The following SLC6A14 variants were observed in gnomAD, a reference collection of about 807,000 sequenced individuals.
SLC6A14 encodes the protein sodium- and chloride-dependent neutral and basic amino acid transporter B(0+).
A neutral mutation model predicts 51.4 loss-of-function variants in SLC6A14; 21 were observed. The ratio of observed to expected loss-of-function variants is 0.41; its 90% CI spans 0.29 to 0.59. The LOEUF (loss-of-function observed/expected upper bound fraction) is 0.59, where lower values mean the gene tolerates loss of function less well. Ranked by LOEUF, SLC6A14 falls within the 20% of genes least tolerant of loss-of-function variation. The pLI is 0.31. For missense variants in SLC6A14, 371 were observed against 472.8 expected (o/e 0.78, Z 2.00); for synonymous variants, 177 against 160.7 (o/e 1.10, Z -0.77).
chrX:116,456,544 T>A (rs2147391713), intron 12 of SLC6A14, among the ~76,000 whole-genome samples: 1 of 111,122 alleles, frequency 9.0e-6, no homozygotes, highest in South Asian at 3.7e-4. Flanking sequence ...AAGCTAATAT[T>A]CAATGATTAC....
rs1261568436 is a variant in SLC6A14, at chrX:116,456,388, C to T, written c.1614+922C>T. Among the ~76,000 whole-genome samples the T allele has an allele frequency of 1.1e-4, 12 of 109,767 alleles. 1 individual carries two copies. The highest frequency in any genetic ancestry group is 2.3e-4 in the Non-Finnish European group (12 of 52,342). Reference sequence around the variant, plus strand: ...CTTTCAAAAGCTGAGCAGTTTGGAACGAGATCATGGTGAATTAAAATATTT... The same window carrying T: ...CTTTCAAAAGCTGAGCAGTTTGGAATGAGATCATGGTGAATTAAAATATTT... On this transcript the variant is annotated intron_variant, in intron 12 of 13. Coordinates refer to ENST00000598581, the MANE Select transcript of SLC6A14 (RefSeq NM_007231.5).
At chrX:116,448,234 T>C (rs1451853541) in intron 7 of SLC6A14, among the ~76,000 whole-genome samples, 1 of 112,347 alleles carries the variant, frequency 8.9e-6, no homozygotes, top group African/African-American at 3.2e-5. Flanking sequence ...GAAATGCCAA[T>C]CTTTGGTCTT....
chrX:116,440,226 G>A (rs12720077), intron 2 of SLC6A14, among the ~76,000 whole-genome samples: 60 of 111,964 alleles, frequency 5.4e-4, no homozygotes, highest in Non-Finnish European at 9.4e-4. Flanking sequence ...TAAAAGGATG[G>A]GGGAGGTGAA....
Position 116,457,656 on chromosome X carries a change from C to T in SLC6A14, c.1662C>T (p.Gly554=), listed in dbSNP as rs187409232. 1.9e-4 allele frequency: 234 copies of T among 1,205,174 alleles called. 2 individuals are homozygous for T. In the East Asian group the frequency reaches 6.3e-3, roughly 33 times the overall value. ...TGCAATTTCATAGACCTAATTATGG[C>T]GCAATTCCATACCCTGACTGGGGAG... is the stretch of plus-strand genomic sequence containing the variant. The part of the protein sequence containing the change: ...SLVQFHRPNY[G]AIPYPDWGVA... Residue 554 remains glycine (G), a synonymous_variant, in exon 13 of 14, where the codon GGC becomes GGT. Coordinates refer to ENST00000598581, the MANE Select transcript of SLC6A14 (RefSeq NM_007231.5).
chrX:116,445,866 G>A (rs545197334), intron 6 of SLC6A14, among the ~76,000 whole-genome samples: 64 of 111,394 alleles, frequency 5.7e-4, no homozygotes, highest in African/African-American at 2.0e-3. Context: ...TATCTAGCAC[G>A]TTCTGTTAAT....
At chrX:116,443,244 T>C (rs781928655) in intron 4 of SLC6A14, among the ~76,000 whole-genome samples, 6 of 111,725 alleles carry the variant, frequency 5.4e-5, no homozygotes, top group Non-Finnish European at 1.1e-4. Context: ...TAATTACCTA[T>C]GTATATCAGA....
chrX:116,442,810 C>T lies in SLC6A14; in HGVS notation c.470C>T (p.Ser157Phe), dbSNP rs782574852. The change falls in exon 4 of 14, where the codon TCT (serine) becomes TTT (phenylalanine). Residue 157 changes from serine (S) to phenylalanine (F), a missense_variant. Around this residue, in one of 2 missense-constraint regions of SLC6A14, gnomAD observed 277 missense variants for 391.8 expected, o/e 0.71. Transcript: ENST00000598581. Reference sequence around the variant, plus strand: ...AGTGAACTACCATGGAAAAATTGTTCTTCGTGGTCAGATAAAAACTGTAGC... The same window carrying T: ...AGTGAACTACCATGGAAAAATTGTTTTTCGTGGTCAGATAAAAACTGTAGC... Reference protein sequence around the residue: ...FQSELPWKNCSSWSDKNCSRS... With the variant: ...FQSELPWKNCFSWSDKNCSRS... 1.7e-6 allele frequency: 2 copies of T among 1,191,869 alleles called. No individual in the cohort carries two copies. Among genetic ancestry groups the T allele is most frequent in the Admixed American group, 2.4e-5 (1 of 40,955 alleles).
chrX:116,445,972 T>C (rs1418632990), intron 6 of SLC6A14, among the ~76,000 whole-genome samples: 4 of 109,563 alleles, frequency 3.7e-5, no homozygotes, highest in African/African-American at 6.6e-5. Context: ...TTGCACATTT[T>C]TTAAACCCTT....
At chrX:116,445,904 C>T (rs1602512259) in intron 6 of SLC6A14, among the ~76,000 whole-genome samples, 1 of 111,303 alleles carries the variant, frequency 9.0e-6, no homozygotes, top group Middle Eastern at 4.7e-3. Context: ...CATGCTGTTA[C>T]ATCACAAAAA....
chrX:116,442,844 A>G lies in SLC6A14; in HGVS notation c.504A>G (p.Pro168=), dbSNP rs146435019. 1.1e-4 allele frequency: 128 copies of G among 1,165,966 alleles called. No homozygotes were observed. The highest frequency in any genetic ancestry group is 1.3e-4 in the Non-Finnish European group (116 of 875,621). ...CAGATAAAAACTGTAGCAGATCACC[A>G]ATAGGTAAAATTTGTCAACACCCAA... The part of the protein sequence containing the change: ...SWSDKNCSRS[P]IVTHCNVSTV... Residue 168 remains proline, a synonymous_variant, in exon 4 of 14, where the codon CCA becomes CCG. Coordinates refer to ENST00000598581, the MANE Select transcript of SLC6A14 (RefSeq NM_007231.5).
intron 7 of SLC6A14, 37 bp downstream of exon 7, chrX:116,446,918 G>A (rs782604533): frequency 4.3e-6 from 5 of 1,151,953 alleles, no homozygotes; most frequent in Non-Finnish European, 5.9e-6. Flanking sequence ...ATCTGAGGAG[G>A]TAAATCTTAA....
intron 7 of SLC6A14, among the ~76,000 whole-genome samples, chrX:116,449,346 A>G (rs1388164848): frequency 1.8e-5 from 2 of 111,695 alleles, no homozygotes; most frequent in African/African-American, 6.5e-5. Flanking sequence ...CATGGTATTC[A>G]GTAGCATTCT....
Position 116,441,001 on chromosome X carries a change from T to C in SLC6A14, c.250T>C (p.Leu84=), listed in dbSNP as rs782074954. The change falls in exon 3 of 14, where the codon TTG becomes CTG. Residue 84 remains leucine, a synonymous_variant. Transcript: ENST00000598581. The stretch of plus-strand genomic sequence containing the variant: ...GATACCTTATGCAATTATGTTAGCA[T>C]TGGCTGGTTTACCTTTGTTCTTTCT... ...FLIPYAIMLA[L]AGLPLFFLEC... is the part of the protein sequence containing the mutation. The C allele has an allele frequency of 1.7e-6, 2 of 1,210,621 alleles. No homozygotes were observed. The highest frequency in any genetic ancestry group is 5.9e-5 in the East Asian group (2 of 33,801).
chrX:116,448,000 T>C (rs782165294), intron 7 of SLC6A14, among the ~76,000 whole-genome samples: 1 of 112,417 alleles, frequency 8.9e-6, no homozygotes, highest in African/African-American at 3.2e-5. Context: ...ACTATGTTAA[T>C]ATTATCTGCC....
chrX:116,448,118 G>A (rs1314766491), intron 7 of SLC6A14, among the ~76,000 whole-genome samples: 1 of 111,808 alleles, frequency 8.9e-6, no homozygotes, highest in Non-Finnish European at 1.9e-5. Context: ...ACTTACAAGA[G>A]GATGTGTAAT....
Position 116,458,889 on chromosome X carries a change from G to A in SLC6A14, c.1863G>A (p.Met621Ile). 1 of 1,202,305 alleles carries A rather than the reference G, an allele frequency of 8.3e-7. No individual in the cohort carries two copies. Among genetic ancestry groups the A allele is most frequent in the Non-Finnish European group, 1.1e-6 (1 of 890,031 alleles). The stretch of plus-strand genomic sequence containing the variant: ...ATCGTGGGGAAAGATATAAAGACAT[G>A]GTAGATCCTAAAAAAGAGGCTGACC... ...EQHRGERYKDMVDPKKEADHE... is the reference protein window; with the variant it reads ...EQHRGERYKDIVDPKKEADHE... The change falls in exon 14 of 14, where the codon ATG becomes ATA. Residue 621 changes from methionine to isoleucine, a missense_variant. Met to Ile is a conservative substitution (Grantham distance 10). Transcript: ENST00000598581.
chrX:116,436,951 T>A (rs1281331252), intron 1 of SLC6A14, among the ~76,000 whole-genome samples, 194 bp downstream of exon 1: 1 of 111,711 alleles, frequency 9.0e-6, no homozygotes, highest in Admixed American at 9.5e-5. Flanking sequence ...CTAGAAGACT[T>A]AGGGCCACCT....
chrX:116,453,255 A>C, intron 9 of SLC6A14, 113 bp downstream of exon 9: 2 of 589,708 alleles, frequency 3.4e-6, no homozygotes, highest in Non-Finnish European at 4.9e-6. Flanking sequence ...TGTTAATCTC[A>C]GAATGATCTT....
chrX:116,444,784 C>A, intron 5 of SLC6A14, 134 bp from the exon 6 acceptor site: 1 of 598,517 alleles, frequency 1.7e-6, no homozygotes, highest in Non-Finnish European at 2.6e-6. Context: ...TCAATAAAGG[C>A]TCACCGAACT....
Sources: gnomAD v4.1 joint callset for allele counts (sites outside exome capture counted in the v4.1 genomes callset) on GRCh38, gnomAD v4.1.1 for gene constraint, gnomAD v4.1.1 regional missense constraint, MANE v1.5 for transcripts, NCBI Gene and HGNC (gene_info 2026-07-23, HGNC 2026-07-21) for gene names.